ZNF222: variants seen among roughly 807,000 people sequenced by gnomAD.
ZNF222 encodes zinc finger protein 222.
Under a neutral mutation model 11.6 loss-of-function variants are expected in ZNF222, and 8 were observed. The ratio of observed to expected loss-of-function variants is 0.69; its 90% CI spans 0.41 to 1.25. The LOEUF (loss-of-function observed/expected upper bound fraction) is 1.25. Ranked by LOEUF, ZNF222 falls within the 50% of genes most tolerant of loss-of-function variation. ZNF222 has a pLI of 0.01. For missense variants in ZNF222, 483 were observed against 576.1 expected, an observed-to-expected ratio of 0.84 and a Z score of 1.65; for synonymous variants, 171 against 195.6, an observed-to-expected ratio of 0.87 and a Z score of 1.05.
At chr19:44,027,569 A>G (rs1347781749) in intron 3 of ZNF222, 79 bp downstream of exon 3, 1 of 1,375,536 alleles carries the variant, frequency 7.3e-7, no homozygotes, top group Non-Finnish European at 1.0e-6. Context: ...ATTTTGGGGT[A>G]AATGGCCAAA....
chr19:44,026,044 G>A (rs1159928151), intron 1 of ZNF222: 13 of 1,613,446 alleles, frequency 8.1e-6, no homozygotes, highest in Non-Finnish European at 1.1e-5. Context: ...TTCTAAAAGA[G>A]CTGCAGGAAG....
chr19:44,032,406 T>G lies in ZNF222; in HGVS notation c.852T>G (p.Leu284=). Residue 284 remains leucine, a synonymous_variant, in exon 4 of 4, where the codon CTT becomes CTG. Coordinates refer to ENST00000391960, the MANE Select transcript of ZNF222 (RefSeq NM_001129996.2). ...CGKAFMHNFQ[L]QKHHRIHTGE... The stretch of plus-strand genomic sequence containing the variant: ...AGGCTTTCATGCACAATTTCCAGCT[T>G]CAGAAACATCACAGAATTCATACTG... 1 of 1,614,186 alleles carries G rather than the reference T, an allele frequency of 6.2e-7. No individual in the cohort carries two copies. Among genetic ancestry groups the G allele is most frequent in the South Asian group, 1.1e-5 (1 of 91,084 alleles).
rs1390696189 is a variant in ZNF222 at position 44,032,863 on chromosome 19, T to C, written c.1309T>C (p.Leu437=). 22 of 1,613,748 alleles carry C rather than the reference T, an allele frequency of 1.4e-5. 1 individual carries two copies. Among genetic ancestry groups the C allele is most frequent in the Non-Finnish European group, 1.9e-5 (22 of 1,179,956 alleles). The change falls in exon 4 of 4, where the codon TTG becomes CTG. Residue 437 remains leucine (L), a synonymous_variant. Transcript: ENST00000391960. The part of the protein sequence containing the change: ...HKKLHCQRKP[L]KCEDCGKRLV... ...GAAACTCCACTGCCAAAGAAAGCCA[T>C]TGAAATGTGAAGACTGTGGAAAGAG...
rs769496578 is a variant in ZNF222 at position 44,027,089 on chromosome 19, G to T, written c.109G>T (p.Ala37Ser). 6.2e-7 allele frequency: 1 copy of T among 1,614,060 alleles called. No homozygotes were observed. The highest frequency in any genetic ancestry group is 2.2e-5 in the East Asian group (1 of 44,874). ...GGAGGAGCTGGGGCTGCTGGACCCT[G>T]CCCAGAGGAAGCTGTACCGAGATGT... ...TEEELGLLDP[A>S]QRKLYRDVML... The change falls in exon 2 of 4, where the codon GCC becomes TCC. Residue 37 changes from alanine (A) to serine (S), a missense_variant. By Grantham distance (99) the Ala-to-Ser change is moderately conservative. Transcript: ENST00000391960.
Position 44,032,084 on chromosome 19 carries a change from A to G in ZNF222, c.530A>G (p.Gln177Arg). Residue 177 changes from glutamine to arginine, a missense_variant, in exon 4 of 4, where the codon CAG becomes CGG. Gln to Arg is a conservative substitution (Grantham distance 43). Transcript: ENST00000391960. Reference sequence around the variant, plus strand: ...GTTTCCTTCTTTGATCTTCCTCAGCAGTTATATTCAGGAGAGAAGTCTCAT... The same window carrying G: ...GTTTCCTTCTTTGATCTTCCTCAGCGGTTATATTCAGGAGAGAAGTCTCAT... ...SDVSFFDLPQ[Q>R]LYSGEKSHTC... 1 of 1,614,226 alleles carries G rather than the reference A, an allele frequency of 6.2e-7. No individual in the cohort carries two copies. Among genetic ancestry groups the G allele is most frequent in the East Asian group, 2.2e-5 (1 of 44,884 alleles).
In ZNF222 at chr19:44,025,571, C is replaced by A. The variant is rs1976339342; in HGVS notation, c.42+93C>A. 1 of 1,380,546 alleles carries A rather than the reference C, an allele frequency of 7.2e-7. No individual in the cohort carries two copies. The highest frequency in any genetic ancestry group is 9.7e-7 in the Non-Finnish European group (1 of 1,035,946). The allele number at this position is 1,380,546 out of a possible 1,614,324, so 85.5% of individuals were successfully genotyped here. A position where few individuals can be genotyped will look rare whatever the true frequency, so the allele number is the denominator to read the frequency against. ...CTAGGGTCTCAGGGAGTGGGATTGG[C>A]GCGGCCCGGTGTGCCCTACTTTGAC... On this transcript the variant is annotated intron_variant, in intron 1 of 3. Coordinates refer to ENST00000391960, the MANE Select transcript of ZNF222 (RefSeq NM_001129996.2). This position sits in a 1 kb window ranked among gnomAD's most constrained non-coding sequence, Gnocchi z 4.6.
At chr19:44,026,554 A>ATTT (rs1329786054) in intron 1 of ZNF222, among the ~76,000 whole-genome samples, 3 of 129,550 alleles carry the variant, frequency 2.3e-5, no homozygotes, top group African/African-American at 1.1e-4. Flanking sequence ...ATATATATAT[A>ATTT]TATTTTTTTT....
Position 44,033,024 on chromosome 19 carries a change from C to T in ZNF222, c.1470C>T (p.Asp490=). The change falls in exon 4 of 4, where the codon GAC becomes GAT. Residue 490 remains aspartate (D), a synonymous_variant. Transcript: ENST00000391960. ...TAATTTTATCATTATTTTTAAATGA[C>T]ATATAAGTTATACATATTTATGGAG... is the stretch of plus-strand genomic sequence containing the variant. The part of the protein sequence containing the change: ...LDIILSLFLN[D]I 1.3e-6 allele frequency: 2 copies of T among 1,525,486 alleles called. No individual in the cohort carries two copies. Among genetic ancestry groups the T allele is most frequent in the Non-Finnish European group, 8.8e-7 (1 of 1,142,446 alleles). 94.5% of individuals were successfully genotyped at this position (1,525,486 alleles called of 1,614,324 possible).
intron 3 of ZNF222, among the ~76,000 whole-genome samples, chr19:44,029,336 A>G (rs951804613): frequency 6.6e-6 from 1 of 151,786 alleles, no homozygotes; most frequent in Non-Finnish European, 1.5e-5. Context: ...TCATGACCAC[A>G]TTGAGAAACA....
Position 44,032,042 on chromosome 19 carries a change from AACAG to A in ZNF222, c.489_492del (p.Lys163AsnfsTer47), listed in dbSNP as rs1272443525. On this transcript the variant is annotated frameshift_variant, in exon 4 of 4. Coordinates refer to ENST00000391960, the MANE Select transcript of ZNF222 (RefSeq NM_001129996.2). LOFTEE classifies it low-confidence loss of function (END_TRUNC). ...AAACCTTTCCAGGGTGAAAATTGTA[AACAG>A]TTCTTCAGTGATGTTTCCTTCTTTG... The A allele has an allele frequency of 6.2e-7, 1 of 1,614,130 alleles. No individual in the cohort carries two copies. Among genetic ancestry groups the A allele is most frequent in the African/African-American group, 1.3e-5 (1 of 74,936 alleles).
chr19:44,029,177 GTTTGT>G lies in ZNF222; in HGVS notation c.262+1701_262+1705del, dbSNP rs1347524886. Among the ~76,000 whole-genome samples the G allele has an allele frequency of 5.6e-3, 700 of 125,644 alleles. 8 individuals are homozygous for G. The highest frequency in any genetic ancestry group is 0.019 in the African/African-American group (593 of 30,568). 82.4% of individuals were successfully genotyped at this position (125,644 alleles called of 152,430 possible). On this transcript the variant is annotated intron_variant, in intron 3 of 3. Transcript: ENST00000391960. ...ACTATATGTTGCAGGACAGTTGTTG[GTTTGT>G]TTTGTTTTGTTTTTTTTTTTTTTTT...
Position 44,025,491 on chromosome 19 carries a change from G to A in ZNF222, c.42+13G>A. The A allele has an allele frequency of 6.5e-7, 1 of 1,544,694 alleles. No homozygotes were observed. Among genetic ancestry groups the A allele is most frequent in the Non-Finnish European group, 8.7e-7 (1 of 1,143,902 alleles). ...GCGGAGAGCAGAGGTTTGGAGGGGCGCGGGCGGGGATTGCCGTTCCAGTCA... is the reference window on the plus strand; with the variant it reads ...GCGGAGAGCAGAGGTTTGGAGGGGCACGGGCGGGGATTGCCGTTCCAGTCA... On this transcript the variant is annotated intron_variant, in intron 1 of 3. Coordinates refer to ENST00000391960, the MANE Select transcript of ZNF222 (RefSeq NM_001129996.2). This position sits in a 1 kb window ranked among gnomAD's most constrained non-coding sequence, Gnocchi z 4.6.
At chr19:44,028,161 T>C (rs1324101740) in intron 3 of ZNF222, 1 of 399,394 alleles carries the variant, frequency 2.5e-6, no homozygotes. Flanking sequence ...TCCATAGTCA[T>C]GCTTCCTCTG....
chr19:44,029,737 A>C (rs1976460298), intron 3 of ZNF222, among the ~76,000 whole-genome samples: 2 of 152,196 alleles, frequency 1.3e-5, no homozygotes, highest in Admixed American at 6.5e-5. Flanking sequence ...CTTATCAATT[A>C]ATATTTTCCA....
chr19:44,032,492 A>G lies in ZNF222; in HGVS notation c.938A>G (p.Asn313Ser). ...AGCTTCTGTCTTAGGTCAAGTCTTA[A>G]TAGGCATTGCATGGTCCACACAGCA... is the stretch of plus-strand genomic sequence containing the variant. ...GKSFCLRSSL[N>S]RHCMVHTAEK... is the part of the protein sequence containing the mutation. Residue 313 changes from asparagine (N) to serine (S), a missense_variant, in exon 4 of 4, where the codon AAT (asparagine) becomes AGT (serine). Asn to Ser is a conservative substitution (Grantham distance 46). Transcript: ENST00000391960. 6.2e-7 allele frequency: 1 copy of G among 1,614,228 alleles called. No individual in the cohort carries two copies. Among genetic ancestry groups the G allele is most frequent in the East Asian group, 2.2e-5 (1 of 44,876 alleles).
intron 1 of ZNF222, chr19:44,026,192 T>A (rs143717275): frequency 8.6e-7 from 1 of 1,162,152 alleles, no homozygotes; most frequent in African/African-American, 1.5e-5. Context: ...TAAGCCTTAA[T>A]TGGTAACTTT....
rs1407720059 is a variant in ZNF222 at position 44,032,100 on chromosome 19, G to T, written c.546G>T (p.Glu182Asp). Residue 182 changes from glutamate (E) to aspartate (D), a missense_variant, in exon 4 of 4, where the codon GAG becomes GAT. Coordinates refer to ENST00000391960, the MANE Select transcript of ZNF222 (RefSeq NM_001129996.2). ...TTCCTCAGCAGTTATATTCAGGAGA[G>T]AAGTCTCATACCTGTGATGAGTGTG... ...FDLPQQLYSG[E>D]KSHTCDECGK... 6.2e-7 allele frequency: 1 copy of T among 1,614,110 alleles called. No individual in the cohort carries two copies. The highest frequency in any genetic ancestry group is 1.3e-5 in the African/African-American group (1 of 74,934).
chr19:44,026,408 G>C (rs955963996), intron 1 of ZNF222, among the ~76,000 whole-genome samples: 3 of 152,106 alleles, frequency 2.0e-5, no homozygotes, highest in Non-Finnish European at 4.4e-5. Flanking sequence ...GGTGGAGAAC[G>C]TAAGTTAGGA....
chr19:44,027,612 G>C lies in ZNF222; in HGVS notation c.262+122G>C, dbSNP rs760443666. The C allele has an allele frequency of 3.0e-5, 28 of 927,378 alleles. No homozygotes were observed. The Admixed American group carries it at 3.4e-4, about 11-fold the overall frequency. 57.4% of individuals were successfully genotyped at this position (927,378 alleles called of 1,614,324 possible). A position where few individuals can be genotyped will look rare whatever the true frequency, so the allele number is the denominator to read the frequency against. On this transcript the variant is annotated intron_variant, in intron 3 of 3. Transcript: ENST00000391960. ...CCTGGATTATTACAGCCTTCTCCCT[G>C]CTGATGCCCCTGCTCCCACCCTTCC...
Sources: allele counts gnomAD v4.1 joint callset (sites outside exome capture counted in the v4.1 genomes callset), GRCh38; gene constraint gnomAD v4.1.1; non-coding constraint Gnocchi (gnomAD v3.1); transcripts MANE v1.5; gene names NCBI Gene and HGNC (gene_info 2026-07-23, HGNC 2026-07-21).